Variants in TMCO4 observed in about 807,000 individuals in gnomAD.
The protein encoded by TMCO4 is transmembrane and coiled-coil domains 4.
Under a neutral mutation model 64.7 loss-of-function variants are expected in TMCO4, and 58 were observed. The observed-to-expected ratio is 0.90, with a 90% CI of 0.73 to 1.12. The LOEUF (loss-of-function observed/expected upper bound fraction) is 1.12, where lower values mean the gene tolerates loss of function less well. Among genes scored for constraint, TMCO4 ranks in the 50% most tolerant of loss-of-function variants. The pLI, the probability that TMCO4 is intolerant of heterozygous loss-of-function variation, is 0.00. For missense variants in TMCO4, 780 were observed against 825.9 expected, an observed-to-expected ratio of 0.94 and a Z score of 0.68; for synonymous variants, 325 against 346.1, an observed-to-expected ratio of 0.94 and a Z score of 0.68.
intron 5 of TMCO4, among the ~76,000 whole-genome samples, 182 bp from the exon 6 acceptor site, chr1:19,770,751 G>C (rs2042944378): frequency 6.6e-6 from 1 of 152,198 alleles, no homozygotes; most frequent in Admixed American, 6.5e-5. Context: ...GAGGACTTCA[G>C]GTAGTGAGAT....
At chr1:19,783,855 C>A (rs895526736) in intron 3 of TMCO4, among the ~76,000 whole-genome samples, 1 of 152,196 alleles carries the variant, frequency 6.6e-6, no homozygotes, top group African/African-American at 2.4e-5. Context: ...AGTCACCCAG[C>A]AAGACTGGCC....
intron 13 of TMCO4, among the ~76,000 whole-genome samples, chr1:19,702,334 G>T (rs2095278700): frequency 6.7e-6 from 1 of 148,736 alleles, no homozygotes; most frequent in South Asian, 2.2e-4. Flanking sequence ...GCTTATGCCT[G>T]TAATCCCAGC....
chr1:19,794,145 T>C (rs1438246152), intron 2 of TMCO4, among the ~76,000 whole-genome samples: 2 of 152,054 alleles, frequency 1.3e-5, no homozygotes, highest in East Asian at 1.9e-4. Flanking sequence ...AGACTTTGCA[T>C]TGGCCGTTCC....
At position 19,683,415 on chromosome 1, in the gene TMCO4, C is replaced by G. The variant is rs901970917; in HGVS notation, c.1530G>C (p.Gln510His). Residue 510 changes from glutamine to histidine, a missense_variant, in exon 16 of 16, where the codon CAG (glutamine) becomes CAC (histidine). By Grantham distance (24) the Gln-to-His change is conservative. Transcript: ENST00000294543. ...CCACGGCCTTCAGGATGGCATCCAT[C>G]TGCTTGGCATAGTCCAGGTGGCCGC... ...VVSGHLDYAK[Q>H]MDAILKAVGI... 2 of 1,613,200 alleles carry G rather than the reference C, an allele frequency of 1.2e-6. No individual in the cohort carries two copies. The highest frequency in any genetic ancestry group is 1.7e-6 in the Non-Finnish European group (2 of 1,180,046).
At position 19,770,620 on chromosome 1, in the gene TMCO4, C is replaced by T. The variant is rs148945927; in HGVS notation, c.355-51G>A. On this transcript the variant is annotated intron_variant, in intron 5 of 15. Coordinates refer to ENST00000294543, the MANE Select transcript of TMCO4 (RefSeq NM_181719.7). ...ATGACAAAGCTGATATACGATACAGCGCGCTCATTTGACAAATATTGACTC... is the reference window on the plus strand; with the variant it reads ...ATGACAAAGCTGATATACGATACAGTGCGCTCATTTGACAAATATTGACTC... 1,122 of 1,575,892 alleles carry T rather than the reference C, an allele frequency of 7.1e-4. 10 individuals carry two copies. The East Asian group carries it at 0.023, about 33-fold the overall frequency.
In TMCO4 at chr1:19,743,337, T is replaced by A. The variant is rs2100862069; in HGVS notation, c.877+2195A>T. On this transcript the variant is annotated intron_variant, in intron 10 of 15. Coordinates refer to ENST00000294543, the MANE Select transcript of TMCO4 (RefSeq NM_181719.7). This position sits in a 1 kb window ranked among gnomAD's most constrained non-coding sequence, Gnocchi z 4.1. ...TTGGTGGTTGGCTACAAAGTTTTTA[T>A]CTTTATTGTACATAATCAAGATTAA... Among the ~76,000 whole-genome samples, 1 of 152,310 alleles carries A rather than the reference T, an allele frequency of 6.6e-6. No individual in the cohort carries two copies. Among genetic ancestry groups the A allele is most frequent in the Non-Finnish European group, 1.5e-5 (1 of 68,020 alleles).
At chr1:19,778,225 C>T (rs1463861348) in intron 4 of TMCO4, among the ~76,000 whole-genome samples, 1 of 151,562 alleles carries the variant, frequency 6.6e-6, no homozygotes, top group African/African-American at 2.4e-5. Context: ...TGTGCTTTGT[C>T]TACATCATCT....
chr1:19,711,215 C>T (rs1186269867), intron 13 of TMCO4, among the ~76,000 whole-genome samples: 2 of 152,190 alleles, frequency 1.3e-5, no homozygotes, highest in Non-Finnish European at 2.9e-5. Flanking sequence ...ACGTGTCTTA[C>T]AAATTGAAGG....
At chr1:19,745,407 G>T in intron 10 of TMCO4, 125 bp downstream of exon 10, 1 of 1,471,196 alleles carries the variant, frequency 6.8e-7, no homozygotes, top group African/African-American at 1.4e-5. Context: ...CTGAGCCTCA[G>T]TTTCTTCCTC....
chr1:19,791,308 C>CTTAAAA lies in TMCO4; in HGVS notation c.-100-4197_-100-4192dup, dbSNP rs58086101. Among the ~76,000 whole-genome samples the CTTAAAA allele has an allele frequency of 3.8e-3, 578 of 150,390 alleles. 5 individuals carry two copies. Among genetic ancestry groups the CTTAAAA allele is most frequent in the African/African-American group, 0.014 (560 of 40,406 alleles). ...TACATCCTGTACATGTATCCCAGAA[C>CTTAAAA]TTAAAATTAAAATTAAAATTAAAAT... On this transcript the variant is annotated intron_variant, in intron 2 of 15. Coordinates refer to ENST00000294543, the MANE Select transcript of TMCO4 (RefSeq NM_181719.7).
chr1:19,787,736 C>T (rs1040340580), intron 2 of TMCO4, among the ~76,000 whole-genome samples: 1 of 152,126 alleles, frequency 6.6e-6, no homozygotes, highest in African/African-American at 2.4e-5. Context: ...TGAGCTTCAT[C>T]CTTAGTGCCA....
chr1:19,706,642 G>A lies in TMCO4; in HGVS notation c.1265-5757C>T, dbSNP rs77177308. On this transcript the variant is annotated intron_variant, in intron 13 of 15. Coordinates refer to ENST00000294543, the MANE Select transcript of TMCO4 (RefSeq NM_181719.7). ...CCTATTTTTACTGTGAGAGCTGAAG[G>A]CCTTTCATCCTATTATAACTTTGGC... Among the ~76,000 whole-genome samples the A allele has an allele frequency of 5.5e-3, 842 of 152,266 alleles. 8 individuals carry two copies. The highest frequency in any genetic ancestry group is 0.019 in the African/African-American group (798 of 41,542).
At chr1:19,772,292 ATGCTGCCAAGGACG>A (rs1347493954) in intron 4 of TMCO4, among the ~76,000 whole-genome samples, 6 of 152,204 alleles carry the variant, frequency 3.9e-5, no homozygotes, top group African/African-American at 1.4e-4. Context: ...GCTCTCCTGG[ATGCTGCCAAGGACG>A]TGCTTTCTGG....
At chr1:19,696,567 A>G (rs535474231) in intron 14 of TMCO4, among the ~76,000 whole-genome samples, 2 of 151,970 alleles carry the variant, frequency 1.3e-5, no homozygotes, top group South Asian at 4.2e-4. Context: ...CAAAAAACAA[A>G]AAACTAAAAT....
chr1:19,772,929 C>T (rs1157737989), intron 4 of TMCO4, among the ~76,000 whole-genome samples: 1 of 152,204 alleles, frequency 6.6e-6, no homozygotes, highest in Admixed American at 6.5e-5. Context: ...GTGGCTCACG[C>T]CTGTAATCCC....
intron 13 of TMCO4, among the ~76,000 whole-genome samples, chr1:19,736,299 A>T (rs555615947): frequency 6.6e-6 from 1 of 152,204 alleles, no homozygotes; most frequent in Admixed American, 6.5e-5. Context: ...TGGAAACAGC[A>T]TGGGGAAAAC....
intron 7 of TMCO4, among the ~76,000 whole-genome samples, chr1:19,748,834 G>GAATGAA (rs1553142669): frequency 0.17 from 24,444 of 141,234 alleles, 2,201 homozygotes; most frequent in East Asian, 0.36. Context: ...GAATGAATGA[G>GAATGAA]TGAATGAATG....
rs763081677 is a variant in TMCO4 at position 19,740,798 on chromosome 1, G to A, written c.1021C>T (p.Leu341=). Residue 341 remains leucine (L), a synonymous_variant, in exon 11 of 16, where the codon CTA becomes TTA. Transcript: ENST00000294543. ...GLANMVAQEA[L]KYTVLSGIVA... is the part of the protein sequence containing the mutation. ...TTACCAGACAACACTGTGTACTTTAGGGCCTCCTGGGCCACCATGTTGGCG... is the reference window on the plus strand; with the variant it reads ...TTACCAGACAACACTGTGTACTTTAAGGCCTCCTGGGCCACCATGTTGGCG... 2.5e-6 allele frequency: 4 copies of A among 1,612,984 alleles called. No individual in the cohort carries two copies. In the African/African-American group the frequency reaches 5.3e-5, roughly 22 times the overall value.
chr1:19,717,906 G>C (rs1474038710), intron 13 of TMCO4, among the ~76,000 whole-genome samples: 5 of 152,186 alleles, frequency 3.3e-5, no homozygotes. Flanking sequence ...GTCGGAAAAG[G>C]CAGCATAAAA....
Sources: allele counts gnomAD v4.1 joint callset (sites outside exome capture counted in the v4.1 genomes callset), GRCh38; gene constraint gnomAD v4.1.1; non-coding constraint Gnocchi (gnomAD v3.1); transcripts MANE v1.5; gene names NCBI Gene and HGNC (gene_info 2026-07-23, HGNC 2026-07-21).